The following SNX29 variants were observed in gnomAD, a reference collection of about 807,000 sequenced individuals.
The protein encoded by SNX29 is sorting nexin 29, also known as sorting nexin-29.
A neutral mutation model predicts 102.1 loss-of-function variants in SNX29; 78 were observed. The observed-to-expected ratio is 0.76, with a 90% CI of 0.64 to 0.92. The LOEUF is 0.92. SNX29 is among the 40% of genes least tolerant of loss of function. The pLI is 0.00. For synonymous variants in SNX29, 580 were observed against 414.5 expected, an observed-to-expected ratio of 1.40 and a Z score of -4.85; for missense variants, 1,280 against 1,061.7, an observed-to-expected ratio of 1.21 and a Z score of -2.86.
intron 13 of SNX29, among the ~76,000 whole-genome samples, chr16:12,173,961 G>A (rs1348620467): frequency 6.6e-6 from 1 of 152,176 alleles, no homozygotes; most frequent in Non-Finnish European, 1.5e-5. Context: ...TGTATTTTTA[G>A]TAGAGATGGG....
intron 18 of SNX29, among the ~76,000 whole-genome samples, chr16:12,446,300 C>T (rs1022543505): frequency 6.6e-6 from 1 of 152,184 alleles, no homozygotes; most frequent in African/African-American, 2.4e-5. Flanking sequence ...AAGTGATCCA[C>T]CCGCCTTGGC....
At position 12,107,196 on chromosome 16, in the gene SNX29, G is replaced by C. The variant is rs562773826; in HGVS notation, c.1403-19437G>C. ...GCTGCAAGGCTGCACGTGAAGGCGA[G>C]AGATGTCTTTATTCTGAGTGGTCAC... On this transcript the variant is annotated intron_variant, in intron 11 of 20. Coordinates refer to ENST00000566228, the MANE Select transcript of SNX29 (RefSeq NM_032167.5). Among the ~76,000 whole-genome samples, 2 of 152,292 alleles carry C rather than the reference G, an allele frequency of 1.3e-5. 1 individual carries two copies. Among genetic ancestry groups the C allele is most frequent in the African/African-American group, 4.8e-5 (2 of 41,546 alleles).
At position 12,049,492 on chromosome 16, in the gene SNX29, G is replaced by C. The variant is rs1420317068; in HGVS notation, c.748+872G>C. Among the ~76,000 whole-genome samples, 8 of 152,098 alleles carry C rather than the reference G, an allele frequency of 5.3e-5. No individual in the cohort carries two copies. In the East Asian group the frequency reaches 1.2e-3, roughly 22 times the overall value. On this transcript the variant is annotated intron_variant, in intron 7 of 20. Coordinates refer to ENST00000566228, the MANE Select transcript of SNX29 (RefSeq NM_032167.5). ...GGACTATAGGCATGTGCCAACATGC[G>C]TGGTTTCTTTTTGTATTTTTAGCAG...
chr16:12,555,292 C>A (rs146371332), intron 20 of SNX29, among the ~76,000 whole-genome samples: 7 of 151,472 alleles, frequency 4.6e-5, no homozygotes, highest in African/African-American at 1.2e-4. Context: ...AGCAGGGGTG[C>A]TGTCCAGTCA....
In SNX29 at chr16:12,460,312, C is replaced by G. The variant is rs527622331; in HGVS notation, c.2038-17407C>G. ...GGCATAGTGATTTCTTTAGTATTTTCAGAGTTGAGTGCCTTGCTTGTTCAA... is the reference window on the plus strand; with the variant it reads ...GGCATAGTGATTTCTTTAGTATTTTGAGAGTTGAGTGCCTTGCTTGTTCAA... On this transcript the variant is annotated intron_variant, in intron 18 of 20. Coordinates refer to ENST00000566228, the MANE Select transcript of SNX29 (RefSeq NM_032167.5). 3.3e-5 allele frequency among the ~76,000 whole-genome samples: 5 copies of G among 152,334 alleles called. No individual in the cohort carries two copies. In the South Asian group the frequency reaches 1.0e-3, roughly 32 times the overall value.
At chr16:12,483,300 C>T (rs1350089665) in intron 19 of SNX29, among the ~76,000 whole-genome samples, 2 of 145,504 alleles carry the variant, frequency 1.4e-5, no homozygotes, top group Non-Finnish European at 3.0e-5. Flanking sequence ...TGAGCCACTG[C>T]ACCTGGCCAT....
intron 13 of SNX29, among the ~76,000 whole-genome samples, chr16:12,176,936 GT>G (rs112467182): frequency 0.018 from 2,705 of 151,012 alleles, 80 homozygotes; most frequent in African/African-American, 0.062. Context: ...GCTGTTCAGG[GT>G]TTTTTTTTGT....
At chr16:12,315,754 C>T (rs1484536033) in intron 15 of SNX29, among the ~76,000 whole-genome samples, 1 of 152,056 alleles carries the variant, frequency 6.6e-6, no homozygotes, top group Non-Finnish European at 1.5e-5. Context: ...TTACCACAGC[C>T]CTAACAGACT....
intron 8 of SNX29, 155 bp from the exon 9 acceptor site, chr16:12,061,373 G>A: frequency 1.6e-6 from 1 of 622,970 alleles, no homozygotes; most frequent in Non-Finnish European, 2.8e-6. Flanking sequence ...TCTGGATCTG[G>A]ACTCCACGCT....
intron 16 of SNX29, among the ~76,000 whole-genome samples, chr16:12,388,365 G>A (rs553026221): frequency 1.3e-5 from 2 of 152,256 alleles, no homozygotes; most frequent in South Asian, 2.1e-4. Context: ...AGTCCTTAAC[G>A]TCTTGACATT....
chr16:12,107,241 C>T (rs1050816253), intron 11 of SNX29, among the ~76,000 whole-genome samples: 2 of 151,914 alleles, frequency 1.3e-5, no homozygotes, highest in Non-Finnish European at 2.9e-5. Flanking sequence ...CAAGGCGCTT[C>T]AGTTACTACA....
chr16:12,567,931 G>C (rs181564235), intron 20 of SNX29, among the ~76,000 whole-genome samples: 2 of 152,120 alleles, frequency 1.3e-5, no homozygotes, highest in Non-Finnish European at 2.9e-5. Context: ...CTGTGTGTTC[G>C]CGTTGCTTCA....
chr16:12,534,105 G>A (rs901111749), intron 20 of SNX29, among the ~76,000 whole-genome samples: 2 of 152,212 alleles, frequency 1.3e-5, no homozygotes, highest in African/African-American at 2.4e-5. Context: ...AGGGGATCGC[G>A]ATGACAAGGT....
intron 13 of SNX29, among the ~76,000 whole-genome samples, chr16:12,136,268 C>A (rs1369292260): frequency 1.3e-5 from 2 of 152,222 alleles, no homozygotes; most frequent in Non-Finnish European, 2.9e-5. Flanking sequence ...CTCCTTCCTC[C>A]CGTGCAGTGG....
intron 18 of SNX29, among the ~76,000 whole-genome samples, chr16:12,463,928 C>A (rs2086932729): frequency 6.6e-6 from 1 of 150,864 alleles, no homozygotes. Flanking sequence ...AGCCAGAGTC[C>A]CCATGCTGTC....
chr16:12,132,399 C>T (rs1250395241), intron 13 of SNX29, among the ~76,000 whole-genome samples: 1 of 152,142 alleles, frequency 6.6e-6, no homozygotes, highest in Non-Finnish European at 1.5e-5. Context: ...CATGCCTGGC[C>T]TCCGTGTCAT....
intron 18 of SNX29, among the ~76,000 whole-genome samples, chr16:12,430,872 A>T (rs1223946222): frequency 7.1e-6 from 1 of 140,918 alleles, no homozygotes; most frequent in South Asian, 2.3e-4. Context: ...TTTTTTTGAG[A>T]TGGAATCTCA....
intron 14 of SNX29, among the ~76,000 whole-genome samples, chr16:12,246,882 G>C (rs2078274472): frequency 6.6e-6 from 1 of 152,164 alleles, no homozygotes; most frequent in Non-Finnish European, 1.5e-5. Flanking sequence ...AGGTCTGTGG[G>C]AGAGGAAGGT....
At chr16:12,563,669 A>G (rs1034276986) in intron 20 of SNX29, among the ~76,000 whole-genome samples, 2 of 152,160 alleles carry the variant, frequency 1.3e-5, no homozygotes, top group South Asian at 2.1e-4. Flanking sequence ...CAATTCCCCG[A>G]GAGCCCATGA....
Sources: gnomAD v4.1 joint callset for allele counts (sites outside exome capture counted in the v4.1 genomes callset) on GRCh38, gnomAD v4.1.1 for gene constraint, MANE v1.5 for transcripts, NCBI Gene and HGNC (gene_info 2026-07-23, HGNC 2026-07-21) for gene names.